Variants in SLC35F3 observed in about 807,000 individuals in gnomAD.
SLC35F3 encodes putative thiamine transporter SLC35F3.
Under a neutral mutation model 49.9 loss-of-function variants are expected in SLC35F3, and 25 were observed. That is an observed-to-expected ratio of 0.50 (90% CI 0.37 to 0.70). The LOEUF (loss-of-function observed/expected upper bound fraction) is 0.70. Ranked by LOEUF, SLC35F3 falls within the 30% of genes least tolerant of loss-of-function variation. SLC35F3 has a pLI of 0.00. For synonymous variants in SLC35F3, 275 were observed against 265.4 expected (o/e 1.04, Z -0.35); for missense variants, 525 against 639.8 (o/e 0.82, Z 1.94).
chr1:234,102,790 A>T (rs1378812707), intron 2 of SLC35F3, among the ~76,000 whole-genome samples: 1 of 152,232 alleles, frequency 6.6e-6, no homozygotes, highest in African/African-American at 2.4e-5. Context: ...CCACGCGAAG[A>T]TTCCAAACCA....
chr1:234,024,365 T>G (rs150358323), intron 2 of SLC35F3, among the ~76,000 whole-genome samples: 2 of 152,294 alleles, frequency 1.3e-5, no homozygotes, highest in East Asian at 3.9e-4. Flanking sequence ...AGCTCGGGGC[T>G]TCAAACTTCA....
At chr1:234,241,201 A>G (rs143206970) in intron 3 of SLC35F3, among the ~76,000 whole-genome samples, 249 of 152,314 alleles carry the variant, frequency 1.6e-3, no homozygotes, top group Admixed American at 5.7e-3. Context: ...AGAAACAGAC[A>G]TTATACGGGC....
chr1:234,317,222 C>T (rs904586573), intron 5 of SLC35F3, among the ~76,000 whole-genome samples: 3 of 152,154 alleles, frequency 2.0e-5, no homozygotes, highest in African/African-American at 7.2e-5. Context: ...AAAAGTACAA[C>T]GGCTGTAATA....
chr1:234,029,579 C>T (rs1341524989), intron 2 of SLC35F3, among the ~76,000 whole-genome samples: 1 of 152,160 alleles, frequency 6.6e-6, no homozygotes, highest in Non-Finnish European at 1.5e-5. Flanking sequence ...AAGGAACCCA[C>T]ATTTCTTTAT....
chr1:234,121,973 G>T (rs1333098587), intron 2 of SLC35F3, among the ~76,000 whole-genome samples: 1 of 152,090 alleles, frequency 6.6e-6, no homozygotes, highest in Admixed American at 6.5e-5. Flanking sequence ...ATCACTGATG[G>T]ACATTTGGGT....
chr1:234,231,771 T>C lies in SLC35F3; in HGVS notation c.608+30T>C, dbSNP rs763992383. The C allele has an allele frequency of 3.2e-6, 5 of 1,568,020 alleles. No homozygotes were observed. The highest frequency in any genetic ancestry group is 4.3e-6 in the Non-Finnish European group (5 of 1,152,314). On this transcript the variant is annotated intron_variant, in intron 3 of 7. Transcript: ENST00000366618. The surrounding 1 kb of genome is among the most constrained non-coding windows in gnomAD (Gnocchi z 5.4). ...GCGCGTCCTGCATGAGGAGGCCTCC[T>C]GACCCCGGGCTGCTCCATCCAGCGC...
chr1:234,241,465 G>T (rs184880913), intron 3 of SLC35F3, among the ~76,000 whole-genome samples: 1 of 152,114 alleles, frequency 6.6e-6, no homozygotes, highest in Non-Finnish European at 1.5e-5. Context: ...GGACAGCCGC[G>T]GTGGCTCACT....
intron 3 of SLC35F3, among the ~76,000 whole-genome samples, chr1:234,281,089 C>G (rs1436294372): frequency 3.3e-5 from 5 of 152,058 alleles, no homozygotes; most frequent in South Asian, 2.1e-4. Flanking sequence ...TGTCCCCCCC[C>G]CATGCTCAAA....
At chr1:233,909,367 T>G (rs1045571160) in intron 2 of SLC35F3, among the ~76,000 whole-genome samples, 8 of 152,194 alleles carry the variant, frequency 5.3e-5, no homozygotes, top group African/African-American at 1.9e-4. Context: ...TATCATCTGT[T>G]GAGTGGATCC....
chr1:234,314,034 C>T (rs543850098), intron 4 of SLC35F3, among the ~76,000 whole-genome samples: 6 of 152,282 alleles, frequency 3.9e-5, no homozygotes, highest in Non-Finnish European at 7.4e-5. Context: ...CACATGGGTC[C>T]GGTCATAGCA....
At chr1:234,005,083 A>T (rs1663609846) in intron 2 of SLC35F3, among the ~76,000 whole-genome samples, 1 of 152,180 alleles carries the variant, frequency 6.6e-6, no homozygotes, top group Non-Finnish European at 1.5e-5. Flanking sequence ...TTTTAAAAAG[A>T]TTTTAAAGAC....
At chr1:234,119,665 G>A (rs1027664333) in intron 2 of SLC35F3, among the ~76,000 whole-genome samples, 1 of 152,054 alleles carries the variant, frequency 6.6e-6, no homozygotes, top group African/African-American at 2.4e-5. Context: ...AAATAATCCT[G>A]TTTTAGATGC....
intron 3 of SLC35F3, among the ~76,000 whole-genome samples, chr1:234,267,738 A>AAGGGG (rs1668015477): frequency 6.7e-6 from 1 of 148,622 alleles, no homozygotes; most frequent in Non-Finnish European, 1.5e-5. Context: ...CACTTCTCAG[A>AAGGGG]CGGGGCGGTT....
At chr1:234,054,566 T>G (rs1030071740) in intron 2 of SLC35F3, among the ~76,000 whole-genome samples, 14 of 152,210 alleles carry the variant, frequency 9.2e-5, no homozygotes, top group Non-Finnish European at 1.6e-4. Context: ...GTTTTTAGCT[T>G]CTTTGTGATG....
chr1:234,087,330 G>A, intron 2 of SLC35F3, among the ~76,000 whole-genome samples: 1 of 152,194 alleles, frequency 6.6e-6, no homozygotes, highest in East Asian at 1.9e-4. Flanking sequence ...GTCACTGGTG[G>A]TGTATCTGTT....
chr1:234,118,907 T>G (rs1359892172), intron 2 of SLC35F3, among the ~76,000 whole-genome samples: 3 of 150,948 alleles, frequency 2.0e-5, no homozygotes. Context: ...TTACAAAACC[T>G]CTTGCACTAC....
intron 2 of SLC35F3, among the ~76,000 whole-genome samples, chr1:234,173,836 A>C (rs1483758170): frequency 6.6e-6 from 1 of 152,222 alleles, no homozygotes; most frequent in East Asian, 1.9e-4. Flanking sequence ...TTAAGAGTCC[A>C]GCCTCTGCTG....
chr1:234,251,530 A>C (rs2102963543), intron 3 of SLC35F3, among the ~76,000 whole-genome samples: 1 of 152,000 alleles, frequency 6.6e-6, no homozygotes, highest in African/African-American at 2.4e-5. Context: ...ATAAAAATTT[A>C]TAGAACTGCA....
chr1:234,227,489 C>A (rs1458017045), intron 2 of SLC35F3, among the ~76,000 whole-genome samples: 1 of 150,488 alleles, frequency 6.6e-6, no homozygotes, highest in Admixed American at 6.7e-5. Context: ...AGCTCCGCCT[C>A]CCAGGTTCAC....
Sources: allele counts gnomAD v4.1 joint callset (sites outside exome capture counted in the v4.1 genomes callset), GRCh38; gene constraint gnomAD v4.1.1; non-coding constraint Gnocchi (gnomAD v3.1); transcripts MANE v1.5; gene names NCBI Gene and HGNC (gene_info 2026-07-23, HGNC 2026-07-21).